Variants in ABCA8 observed in about 807,000 individuals in gnomAD.
The protein encoded by ABCA8 is ABC-type organic anion transporter ABCA8.
A neutral mutation model predicts 192.3 loss-of-function variants in ABCA8; 177 were observed. That is an observed-to-expected ratio of 0.92 (90% CI 0.81 to 1.04). The LOEUF (loss-of-function observed/expected upper bound fraction) is 1.04, where lower values mean the gene tolerates loss of function less well. Ranked by LOEUF, ABCA8 falls within the 50% of genes least tolerant of loss-of-function variation. The pLI is 0.00. For synonymous variants in ABCA8, 642 were observed against 690.2 expected, an observed-to-expected ratio of 0.93 and a Z score of 1.09; for missense variants, 1,915 against 1,904.8, an observed-to-expected ratio of 1.01 and a Z score of -0.10.
chr17:68,917,728 T>A (rs1305810585), intron 16 of ABCA8, among the ~76,000 whole-genome samples: 1 of 152,228 alleles, frequency 6.6e-6, no homozygotes, highest in Admixed American at 6.5e-5. Context: ...AACATTAAAA[T>A]CATTTGAATA....
chr17:68,907,303 G>A (rs1341515504), intron 18 of ABCA8, among the ~76,000 whole-genome samples: 1 of 151,842 alleles, frequency 6.6e-6, no homozygotes, highest in African/African-American at 2.4e-5. Context: ...CATTGTTAAG[G>A]AACAAGTTCC....
chr17:68,946,945 A>AAGAG (rs60347168), intron 2 of ABCA8, among the ~76,000 whole-genome samples: 13 of 150,164 alleles, frequency 8.7e-5, no homozygotes, highest in East Asian at 2.0e-4. Flanking sequence ...CATCAAAAGA[A>AAGAG]AGAGAGAGAG....
In ABCA8 at chr17:68,901,808, C is replaced by CAA. The variant is rs35596717; in HGVS notation, c.2764+903_2764+904dup. On this transcript the variant is annotated intron_variant, in intron 21 of 39. Coordinates refer to ENST00000586539, the MANE Select transcript of ABCA8 (RefSeq NM_001288985.2). ...GGTGACACAGAGCGAGATTCCATCTCAAAAAAAAAAAAAAAAACCCCACAA... is the reference window on the plus strand; with the variant it reads ...GGTGACACAGAGCGAGATTCCATCTCAAAAAAAAAAAAAAAAAAACCCCACAA... Among the ~76,000 whole-genome samples the CAA allele has an allele frequency of 2.2e-3, 227 of 104,798 alleles. 2 individuals are homozygous for CAA. The highest frequency in any genetic ancestry group is 0.012 in the East Asian group (47 of 3,776). 68.8% of individuals were successfully genotyped at this position (104,798 alleles called of 152,430 possible). A position where few individuals can be genotyped will look rare whatever the true frequency, so the allele number is the denominator to read the frequency against.
intron 24 of ABCA8, among the ~76,000 whole-genome samples, chr17:68,890,416 A>G (rs551739451): frequency 6.6e-6 from 1 of 152,342 alleles, no homozygotes; most frequent in South Asian, 2.1e-4. Flanking sequence ...GAGGAATGAG[A>G]GTTCTTTACA....
chr17:68,903,522 C>T (rs547236380), intron 19 of ABCA8, 23 bp from the exon 20 acceptor site: 1 of 1,609,678 alleles, frequency 6.2e-7, no homozygotes, highest in Admixed American at 1.7e-5. Context: ...AAATAAGCAA[C>T]TCATATGTAC....
intron 11 of ABCA8, among the ~76,000 whole-genome samples, chr17:68,923,208 T>TATTA (rs71144638): frequency 1.3e-4 from 19 of 144,300 alleles, no homozygotes; most frequent in Middle Eastern, 3.5e-3. Context: ...TTATTATTAT[T>TATTA]TTTTTTTTTG....
intron 2 of ABCA8, among the ~76,000 whole-genome samples, chr17:68,948,154 A>C (rs1386510828): frequency 6.6e-6 from 1 of 152,200 alleles, no homozygotes; most frequent in Admixed American, 6.5e-5. Context: ...ATTGTTGGGC[A>C]TTTGGGTTGG....
intron 15 of ABCA8, 119 bp from the exon 16 acceptor site, chr17:68,918,304 C>G: frequency 6.8e-7 from 1 of 1,473,560 alleles, no homozygotes; most frequent in Non-Finnish European, 9.2e-7. Flanking sequence ...TTTAGATACT[C>G]TATTTAATGT....
rs1280505636 is a variant in ABCA8, at chr17:68,867,819, A to G, written c.*266T>C. ...GAAACTTATACGATCATGTAAAAGTAAATTTATTTATTCAGTATTATACAG... is the reference window on the plus strand; with the variant it reads ...GAAACTTATACGATCATGTAAAAGTGAATTTATTTATTCAGTATTATACAG... On this transcript the variant is annotated 3_prime_UTR_variant, in exon 40 of 40. Coordinates refer to ENST00000586539, the MANE Select transcript of ABCA8 (RefSeq NM_001288985.2). 2 of 268,244 alleles carry G rather than the reference A, an allele frequency of 7.5e-6. No individual in the cohort carries two copies. The highest frequency in any genetic ancestry group is 1.3e-4 in the East Asian group (2 of 14,996). 16.6% of individuals were successfully genotyped at this position (268,244 alleles called of 1,614,324 possible). A position where few individuals can be genotyped will look rare whatever the true frequency, so the allele number is the denominator to read the frequency against.
At chr17:68,908,735 G>C (rs2067157371) in intron 17 of ABCA8, among the ~76,000 whole-genome samples, 1 of 152,118 alleles carries the variant, frequency 6.6e-6, no homozygotes, top group Non-Finnish European at 1.5e-5. Context: ...ATTAATTGAG[G>C]TTATAAATTA....
At chr17:68,894,668 T>C (rs2066701403) in intron 22 of ABCA8, 1 of 552,666 alleles carries the variant, frequency 1.8e-6, no homozygotes, top group Non-Finnish European at 3.1e-6. Flanking sequence ...GTCTTGATAG[T>C]AGGTATTCTA....
Position 68,897,251 on chromosome 17 carries a change from T to C in ABCA8, c.2765-2238A>G, listed in dbSNP as rs78964499. 2.4e-3 allele frequency among the ~76,000 whole-genome samples: 371 copies of C among 152,318 alleles called. 6 individuals are homozygous for C. The East Asian group carries it at 0.063, about 26-fold the overall frequency. Reference sequence around the variant, plus strand: ...GGAAAAGAGACAAAGAAAGGTCTGCTAAATCTATTGCCATCTCAGGGGAAT... The same window carrying C: ...GGAAAAGAGACAAAGAAAGGTCTGCCAAATCTATTGCCATCTCAGGGGAAT... On this transcript the variant is annotated intron_variant, in intron 21 of 39. Coordinates refer to ENST00000586539, the MANE Select transcript of ABCA8 (RefSeq NM_001288985.2).
chr17:68,952,827 G>C (rs939585048), intron 1 of ABCA8, among the ~76,000 whole-genome samples: 1 of 152,180 alleles, frequency 6.6e-6, no homozygotes, highest in African/African-American at 2.4e-5. Flanking sequence ...CTACCCCCTG[G>C]TAGGAGTAGT....
chr17:68,879,702 A>G (rs1359869286), intron 32 of ABCA8: 1 of 152,304 alleles, frequency 6.6e-6, no homozygotes. Flanking sequence ...TCTCAGGGGC[A>G]GTTGCATGCT....
intron 16 of ABCA8, 32 bp downstream of exon 16, chr17:68,918,015 C>T (rs1018828812): frequency 1.2e-6 from 2 of 1,612,594 alleles, no homozygotes; most frequent in African/African-American, 1.3e-5. Flanking sequence ...TTAAAGTCCT[C>T]CTCAGGATAC....
intron 17 of ABCA8, among the ~76,000 whole-genome samples, chr17:68,909,235 T>C (rs1260823696): frequency 6.6e-6 from 1 of 152,234 alleles, no homozygotes; most frequent in Admixed American, 6.5e-5. Flanking sequence ...ACTTTTTCTG[T>C]AAAATGTGTA....
chr17:68,928,260 A>T (rs2067757811), intron 9 of ABCA8, among the ~76,000 whole-genome samples, 197 bp from the exon 10 acceptor site: 1 of 152,258 alleles, frequency 6.6e-6, no homozygotes, highest in Non-Finnish European at 1.5e-5. Context: ...AATGCAATTT[A>T]GTAATTGCTA....
chr17:68,933,407 C>T lies in ABCA8; in HGVS notation c.467-136G>A, dbSNP rs570569020. ...CAAATGTTCTTATTTTGACTCAAAGCTTATGAAAACATAAATTATAACAAT... is the reference window on the plus strand; with the variant it reads ...CAAATGTTCTTATTTTGACTCAAAGTTTATGAAAACATAAATTATAACAAT... On this transcript the variant is annotated intron_variant, in intron 5 of 39. Transcript: ENST00000586539. The T allele has an allele frequency of 1.7e-5, 10 of 577,530 alleles. No homozygotes were observed. The South Asian group carries it at 2.2e-4, about 13-fold the overall frequency. The allele number at this position is 577,530 out of a possible 1,614,324, so 35.8% of individuals were successfully genotyped here.
intron 21 of ABCA8, among the ~76,000 whole-genome samples, chr17:68,898,804 A>G (rs1362383741): frequency 6.6e-6 from 1 of 152,100 alleles, no homozygotes; most frequent in Admixed American, 6.5e-5. Context: ...AAAAATTTCA[A>G]TGAGCTACAG....
Sources: gnomAD v4.1 joint callset for allele counts (sites outside exome capture counted in the v4.1 genomes callset) on GRCh38, gnomAD v4.1.1 for gene constraint, MANE v1.5 for transcripts, NCBI Gene and HGNC (gene_info 2026-07-23, HGNC 2026-07-21) for gene names.